The following WWOX variants were observed in gnomAD, a reference collection of about 807,000 sequenced individuals.
WWOX encodes WW domain-containing oxidoreductase.
In WWOX, 69 loss-of-function variants were observed where a neutral mutation model predicts 46.2. The observed-to-expected ratio is 1.49, with a 90% CI of 1.23 to 1.82. WWOX has a LOEUF of 1.82. WWOX is among the 40% of genes most tolerant of loss of function. The probability of loss-of-function intolerance (pLI) is 0.00; values close to 1 mark genes in which losing one functional copy is unlikely to be tolerated. For missense variants in WWOX, 919 were observed against 542.6 expected (o/e 1.69, Z -6.89); for synonymous variants, 359 against 202.6 (o/e 1.77, Z -6.56).
At chr16:78,104,838 C>T (rs75852523) in intron 1 of WWOX, among the ~76,000 whole-genome samples, 12 of 152,290 alleles carry the variant, frequency 7.9e-5, no homozygotes, top group Admixed American at 5.9e-4. Context: ...TTAACTCACT[C>T]GGTTCTCTAT....
chr16:78,583,122 G>A (rs931084835), intron 8 of WWOX, among the ~76,000 whole-genome samples: 2 of 152,292 alleles, frequency 1.3e-5, no homozygotes, highest in East Asian at 1.9e-4. Flanking sequence ...TTTTGTTTTC[G>A]AAGCCTTTGT....
intron 8 of WWOX, among the ~76,000 whole-genome samples, chr16:78,942,074 A>T (rs2045862753): frequency 6.6e-6 from 1 of 152,158 alleles, no homozygotes; most frequent in African/African-American, 2.4e-5. Flanking sequence ...GTTACTCTTT[A>T]GTATGCCCAA....
chr16:79,091,655 G>C (rs1454757231), intron 8 of WWOX, among the ~76,000 whole-genome samples: 1 of 152,054 alleles, frequency 6.6e-6, no homozygotes. Context: ...AGCTCCTACT[G>C]ACTCAAGGAT....
chr16:79,147,031 A>G (rs987000259), intron 8 of WWOX, among the ~76,000 whole-genome samples: 10 of 152,212 alleles, frequency 6.6e-5, no homozygotes, highest in Non-Finnish European at 1.0e-4. Context: ...CAATTGTGCA[A>G]TATCACAGTG....
At chr16:78,148,342 A>G (rs940664242) in intron 4 of WWOX, among the ~76,000 whole-genome samples, 2 of 152,130 alleles carry the variant, frequency 1.3e-5, no homozygotes, top group Non-Finnish European at 2.9e-5. Context: ...TTAGTTAACA[A>G]AAGGATTGCC....
chr16:78,632,670 T>A (rs1008742178), intron 8 of WWOX, among the ~76,000 whole-genome samples: 5 of 149,172 alleles, frequency 3.4e-5, no homozygotes, highest in Non-Finnish European at 7.4e-5. Flanking sequence ...GGGATTCTCC[T>A]GCCTCAGCCT....
intron 5 of WWOX, among the ~76,000 whole-genome samples, chr16:78,194,717 C>A (rs1306275143): frequency 2.0e-5 from 3 of 152,068 alleles, no homozygotes; most frequent in African/African-American, 4.8e-5. Context: ...GGTGATCACC[C>A]CCAACCCCAA....
chr16:78,608,838 A>T (rs142116721), intron 8 of WWOX, among the ~76,000 whole-genome samples: 1 of 152,148 alleles, frequency 6.6e-6, no homozygotes, highest in Non-Finnish European at 1.5e-5. Flanking sequence ...TAGCCTTTAT[A>T]GAAATGACAA....
chr16:78,600,896 G>A lies in WWOX; in HGVS notation c.1056+168144G>A, dbSNP rs999569288. Among the ~76,000 whole-genome samples, 10 of 152,158 alleles carry A rather than the reference G, an allele frequency of 6.6e-5. No homozygotes were observed. The South Asian group carries it at 8.3e-4, about 13-fold the overall frequency. On this transcript the variant is annotated intron_variant, in intron 8 of 8. Transcript: ENST00000566780. ...TATCGTGACAGGGAGAAGCCTGTGT[G>A]ACCCTGTGGCCATCTCAGTCTCTGC...
intron 8 of WWOX, among the ~76,000 whole-genome samples, chr16:78,584,562 T>C (rs1675090815): frequency 6.6e-6 from 1 of 152,220 alleles, no homozygotes. Flanking sequence ...GTTATTTTAA[T>C]ATATACCTTT....
intron 8 of WWOX, among the ~76,000 whole-genome samples, chr16:78,469,468 C>A (rs2084169299): frequency 2.0e-5 from 3 of 152,146 alleles, no homozygotes; most frequent in Non-Finnish European, 4.4e-5. Context: ...ACAGAGATGA[C>A]AGGCTCCGCA....
At chr16:78,118,241 G>C (rs1225999588) in intron 4 of WWOX, among the ~76,000 whole-genome samples, 2 of 151,876 alleles carry the variant, frequency 1.3e-5, no homozygotes, top group Non-Finnish European at 2.9e-5. Context: ...GTGATACGGA[G>C]CTGTATTTTG....
chr16:78,614,887 A>C (rs547155781), intron 8 of WWOX, among the ~76,000 whole-genome samples: 1 of 152,304 alleles, frequency 6.6e-6, no homozygotes, highest in Non-Finnish European at 1.5e-5. Flanking sequence ...TGCAGCCATC[A>C]AGCCATCTTT....
chr16:78,739,459 G>T (rs1013380100), intron 8 of WWOX, among the ~76,000 whole-genome samples: 11 of 152,134 alleles, frequency 7.2e-5, no homozygotes, highest in African/African-American at 2.7e-4. Context: ...TCTAGGAAAG[G>T]GTTGTGGAAT....
intron 8 of WWOX, among the ~76,000 whole-genome samples, chr16:78,568,622 C>CCCG (rs1367427349): frequency 1.3e-5 from 2 of 151,908 alleles, no homozygotes; most frequent in African/African-American, 4.8e-5. Flanking sequence ...ATTACAGGCA[C>CCCG]CCGCCGCCAC....
chr16:79,173,857 AGATG>A (rs2050748649), intron 8 of WWOX, among the ~76,000 whole-genome samples: 2 of 152,232 alleles, frequency 1.3e-5, no homozygotes, highest in Admixed American at 1.3e-4. Flanking sequence ...ATTAAAAGAA[AGATG>A]GATGGGGGAG....
chr16:78,117,700 G>A (rs1362389807), intron 4 of WWOX, among the ~76,000 whole-genome samples: 1 of 152,092 alleles, frequency 6.6e-6, no homozygotes, highest in Non-Finnish European at 1.5e-5. Flanking sequence ...CTTTAGTTCC[G>A]CTCATTTAAA....
At chr16:78,762,609 G>C (rs919444285) in intron 8 of WWOX, among the ~76,000 whole-genome samples, 2 of 152,188 alleles carry the variant, frequency 1.3e-5, no homozygotes, top group African/African-American at 2.4e-5. Flanking sequence ...AGGGGGCTCG[G>C]GGCACAGAGG....
chr16:78,426,114 AGTAATAATCCTCCCCC>A (rs2083071643), intron 7 of WWOX, among the ~76,000 whole-genome samples: 1 of 152,236 alleles, frequency 6.6e-6, no homozygotes, highest in East Asian at 1.9e-4. Context: ...GGTAAATGCC[AGTAATAATCCTCCCCC>A]GTGTTAAAAG....
Sources: allele counts gnomAD v4.1 joint callset (sites outside exome capture counted in the v4.1 genomes callset), GRCh38; gene constraint gnomAD v4.1.1; transcripts MANE v1.5; gene names NCBI Gene and HGNC (gene_info 2026-07-23, HGNC 2026-07-21).